ST13: variants seen among roughly 807,000 people sequenced by gnomAD.
ST13 encodes ST13 Hsp70 interacting protein, also known as hsc70-interacting protein.
A neutral mutation model predicts 56.7 loss-of-function variants in ST13; 23 were observed. The observed-to-expected ratio is 0.41, with a 90% confidence interval of 0.29 to 0.57. The LOEUF (loss-of-function observed/expected upper bound fraction) is 0.57. Among genes scored for constraint, ST13 ranks in the 20% least tolerant of loss-of-function variants. The probability of loss-of-function intolerance (pLI) is 0.36; values close to 1 mark genes in which losing one functional copy is unlikely to be tolerated. For synonymous variants in ST13, 132 were observed against 142.4 expected (o/e 0.93, Z 0.52); for missense variants, 369 against 459.9 (o/e 0.80, Z 1.81).
intron 1 of ST13, 95 bp from the exon 2 acceptor site, chr22:40,850,975 G>T: frequency 1.3e-6 from 1 of 797,112 alleles, no homozygotes; most frequent in Non-Finnish European, 2.0e-6. Flanking sequence ...TAGACATTTA[G>T]ATGACTACCT....
intron 10 of ST13, among the ~76,000 whole-genome samples, chr22:40,829,329 T>C (rs2057743155): frequency 6.6e-6 from 1 of 152,238 alleles, no homozygotes; most frequent in African/African-American, 2.4e-5. Context: ...ATAAATCTTC[T>C]GCGTGCCTTT....
chr22:40,847,436 C>G (rs1339898067), intron 3 of ST13, among the ~76,000 whole-genome samples: 2 of 151,204 alleles, frequency 1.3e-5, no homozygotes, highest in African/African-American at 4.9e-5. Context: ...GTAGTCCCAG[C>G]TACTAGGGAG....
At chr22:40,832,457 C>A in intron 8 of ST13, 112 bp downstream of exon 8, 1 of 751,316 alleles carries the variant, frequency 1.3e-6, no homozygotes, top group Non-Finnish European at 2.2e-6. Context: ...TTATATCTTC[C>A]AATGGTTTGT....
At chr22:40,831,374 A>G (rs964373522) in intron 8 of ST13, among the ~76,000 whole-genome samples, 5 of 152,244 alleles carry the variant, frequency 3.3e-5, no homozygotes, top group African/African-American at 1.2e-4. Context: ...CCCCAAGTAT[A>G]TGCCACAGTA....
intron 7 of ST13, among the ~76,000 whole-genome samples, chr22:40,834,289 CA>C (rs775162664): frequency 2.0e-5 from 3 of 152,052 alleles, no homozygotes; most frequent in Non-Finnish European, 4.4e-5. Context: ...TGTGTAGAAA[CA>C]AAAGACAAAG....
intron 4 of ST13, among the ~76,000 whole-genome samples, chr22:40,844,281 T>C (rs1451565377): frequency 6.6e-6 from 1 of 152,140 alleles, no homozygotes; most frequent in African/African-American, 2.4e-5. Flanking sequence ...TAAAAACCAA[T>C]CTTTTAAAAC....
chr22:40,834,898 A>G (rs1049475690), intron 7 of ST13, among the ~76,000 whole-genome samples: 4 of 152,234 alleles, frequency 2.6e-5, no homozygotes, highest in Non-Finnish European at 5.9e-5. Flanking sequence ...GTCAGCTAAT[A>G]CAGTTGTCCT....
chr22:40,840,379 T>G (rs1305499197), intron 5 of ST13, among the ~76,000 whole-genome samples: 1 of 151,866 alleles, frequency 6.6e-6, no homozygotes, highest in African/African-American at 2.4e-5. Context: ...TTAAAGCCTC[T>G]TCTCAGCAGA....
At chr22:40,840,738 G>A (rs751880149) in intron 4 of ST13, 46 bp from the exon 5 acceptor site, 2 of 1,516,182 alleles carry the variant, frequency 1.3e-6, no homozygotes, top group South Asian at 1.2e-5. Context: ...GAGAGAGAGA[G>A]AAGGAAGCAA....
At chr22:40,854,059 A>G (rs1268554012) in intron 1 of ST13, among the ~76,000 whole-genome samples, 1 of 152,264 alleles carries the variant, frequency 6.6e-6, no homozygotes, top group African/African-American at 2.4e-5. Context: ...AAACTAAGCT[A>G]TAAACAATGC....
At chr22:40,828,365 G>C (rs1158070494) in intron 10 of ST13, among the ~76,000 whole-genome samples, 2 of 152,002 alleles carry the variant, frequency 1.3e-5, no homozygotes, top group African/African-American at 4.8e-5. Flanking sequence ...AGCACTTTGG[G>C]AGGCCGAGGC....
intron 7 of ST13, among the ~76,000 whole-genome samples, chr22:40,832,986 G>A (rs2057760832): frequency 6.6e-6 from 1 of 152,126 alleles, no homozygotes; most frequent in Admixed American, 6.6e-5. Context: ...CCCAAACCAG[G>A]ACTAACATAA....
At chr22:40,853,138 C>T (rs1325680766) in intron 1 of ST13, among the ~76,000 whole-genome samples, 2 of 152,110 alleles carry the variant, frequency 1.3e-5, no homozygotes, top group Non-Finnish European at 2.9e-5. Context: ...GACATGGCAA[C>T]TAAATGCAAC....
At chr22:40,854,383 GATGCTTCACCCC>G (rs1240221642) in intron 1 of ST13, among the ~76,000 whole-genome samples, 1 of 152,222 alleles carries the variant, frequency 6.6e-6, no homozygotes, top group African/African-American at 2.4e-5. Context: ...CATATGCCAT[GATGCTTCACCCC>G]ATACTTCAGC....
intron 3 of ST13, 138 bp from the exon 4 acceptor site, chr22:40,845,047 A>G (rs936295286): frequency 1.6e-6 from 1 of 607,612 alleles, no homozygotes; most frequent in South Asian, 2.4e-5. Context: ...ATATGTTCCC[A>G]TTAAACATTT....
intron 9 of ST13, among the ~76,000 whole-genome samples, chr22:40,830,421 A>G (rs1462340153): frequency 1.3e-5 from 2 of 152,194 alleles, no homozygotes; most frequent in Non-Finnish European, 2.9e-5. Flanking sequence ...CAGCCTCCCA[A>G]GAGCTGGGAC....
intron 9 of ST13, 137 bp from the exon 10 acceptor site, chr22:40,829,811 T>C (rs953883433): frequency 4.8e-6 from 2 of 412,868 alleles, no homozygotes; most frequent in Non-Finnish European, 8.6e-6. Context: ...ATATACTTCA[T>C]ACCCCCTTCA....
intron 4 of ST13, 132 bp from the exon 5 acceptor site, chr22:40,840,824 A>G: frequency 1.4e-6 from 1 of 693,260 alleles, no homozygotes; most frequent in Non-Finnish European, 2.4e-6. Context: ...CAGAGAACAA[A>G]GAGACAATTA....
At chr22:40,830,632 T>A (rs1377866347) in intron 9 of ST13, among the ~76,000 whole-genome samples, 1 of 152,032 alleles carries the variant, frequency 6.6e-6, no homozygotes, top group Non-Finnish European at 1.5e-5. Flanking sequence ...TATAAAATGG[T>A]GAAATAAAAG....
Sources: gnomAD v4.1 joint callset for allele counts (sites outside exome capture counted in the v4.1 genomes callset) on GRCh38, gnomAD v4.1.1 for gene constraint, MANE v1.5 for transcripts, NCBI Gene and HGNC (gene_info 2026-07-23, HGNC 2026-07-21) for gene names.